The following SLC2A14 variants were observed in gnomAD, a reference collection of about 807,000 sequenced individuals.
The protein encoded by SLC2A14 is solute carrier family 2 member 14, also known as solute carrier family 2, facilitated glucose transporter member 14.
SLC2A14 carries 13 observed loss-of-function variants against 43.0 expected under a neutral mutation model. The observed-to-expected ratio is 0.30, with a 90% CI of 0.20 to 0.48. The LOEUF (loss-of-function observed/expected upper bound fraction) is 0.48, where lower values mean the gene tolerates loss of function less well. Among genes scored for constraint, SLC2A14 ranks in the 20% least tolerant of loss-of-function variants. The probability of loss-of-function intolerance (pLI) is 0.99; values close to 1 mark genes in which losing one functional copy is unlikely to be tolerated. For missense variants in SLC2A14, 428 were observed against 620.4 expected (o/e 0.69, Z 3.29); for synonymous variants, 190 against 233.8 (o/e 0.81, Z 1.71).
Position 7,887,229 on chromosome 12 carries a change from T to C in SLC2A14, c.132+3767A>G, listed in dbSNP as rs779010922. On this transcript the variant is annotated intron_variant, in intron 1 of 9. Transcript: ENST00000539924. ...GCCCGGCCAAATAATGATTTCCTAC[T>C]TTTTGCCTGGTTCTCTCTAGAAGAG... 2.5e-3 allele frequency among the ~76,000 whole-genome samples: 377 copies of C among 152,044 alleles called. 2 individuals are homozygous for C. Among genetic ancestry groups the C allele is most frequent in the African/African-American group, 8.8e-3 (365 of 41,490 alleles).
intron 1 of SLC2A14, among the ~76,000 whole-genome samples, chr12:7,889,785 C>G (rs918543234): frequency 6.6e-6 from 1 of 152,094 alleles, no homozygotes; most frequent in Non-Finnish European, 1.5e-5. Flanking sequence ...ATCCACCCGC[C>G]TTGGCCTCCC....
intron 2 of SLC2A14, among the ~76,000 whole-genome samples, chr12:7,842,552 CCTTAA>C (rs761202679): frequency 8.6e-4 from 131 of 152,146 alleles, no homozygotes; most frequent in African/African-American, 3.0e-3. Context: ...TCTTTGAGTT[CCTTAA>C]CTTTTCTCTA....
In SLC2A14 at chr12:7,870,892, G is replaced by T; in HGVS notation, c.-57-955C>A. ...ACCAAAGCCAAGACCACCAAGAAGCGACCACAGCACAAGGGGCCACATCCA... is the reference window on the plus strand; with the variant it reads ...ACCAAAGCCAAGACCACCAAGAAGCTACCACAGCACAAGGGGCCACATCCA... On this transcript the variant is annotated intron_variant, in intron 1 of 10. Transcript: ENST00000431042. 7 of 1,356,092 alleles carry T rather than the reference G, an allele frequency of 5.2e-6. No homozygotes were observed. In the South Asian group the frequency reaches 6.2e-5, roughly 12 times the overall value. 84.0% of individuals were successfully genotyped at this position (1,356,092 alleles called of 1,614,324 possible).
At chr12:7,883,645 A>AGTGCAGTCTCGGC (rs1945634366) in intron 1 of SLC2A14, among the ~76,000 whole-genome samples, 1 of 110,182 alleles carries the variant, frequency 9.1e-6, no homozygotes, top group Non-Finnish European at 1.7e-5. Context: ...ACCAGGCTGG[A>AGTGCAGTCTCGGC]GTGCAGTCTC....
intron 2 of SLC2A14, 63 bp from the exon 3 acceptor site, chr12:7,832,877 C>A: frequency 6.7e-7 from 1 of 1,497,444 alleles, no homozygotes; most frequent in Non-Finnish European, 9.3e-7. Context: ...ATGACTGTTT[C>A]TTATTAATTA....
chr12:7,873,277 G>A (rs1945340000), upstream of SLC2A14: 6 of 985,644 alleles, frequency 6.1e-6, no homozygotes, highest in Non-Finnish European at 7.2e-6. Flanking sequence ...CCTGCAGCAG[G>A]GAGATAGTGC....
chr12:7,883,496 G>A (rs1424983753), intron 1 of SLC2A14, among the ~76,000 whole-genome samples: 1 of 149,980 alleles, frequency 6.7e-6, no homozygotes, highest in Non-Finnish European at 1.5e-5. Context: ...TTGATCTCCT[G>A]ACCTCATGAT....
intron 2 of SLC2A14, among the ~76,000 whole-genome samples, chr12:7,844,122 C>G (rs1301230053): frequency 6.6e-6 from 1 of 152,126 alleles, no homozygotes; most frequent in Admixed American, 6.5e-5. Context: ...ATTTCTTGCT[C>G]CTCAAAAAGT....
chr12:7,827,097 CTT>C lies in SLC2A14; in HGVS notation c.864+396_864+397del, dbSNP rs749000307. On this transcript the variant is annotated intron_variant, in intron 7 of 10. Coordinates refer to ENST00000431042, the MANE Select transcript of SLC2A14 (RefSeq NM_001286234.2). ...TCTCTTTCTTTCTTTCTTTCTTTCT[CTT>C]TCTTTCTTTCTTTCTTTTTATTTCT... is the stretch of plus-strand genomic sequence containing the variant. Among the ~76,000 whole-genome samples, 53 of 79,938 alleles carry C rather than the reference CTT, an allele frequency of 6.6e-4. 2 individuals carry two copies. Among genetic ancestry groups the C allele is most frequent in the Middle Eastern group, 0.013 (2 of 150 alleles). 52.4% of individuals were successfully genotyped at this position (79,938 alleles called of 152,430 possible).
intron 7 of SLC2A14, among the ~76,000 whole-genome samples, chr12:7,826,900 TC>T: frequency 1.3e-5 from 1 of 79,862 alleles, no homozygotes; most frequent in African/African-American, 6.1e-5. Flanking sequence ...TTTCTTTCTT[TC>T]TTTCTTTCTT....
At chr12:7,827,465 A>G (rs1236566676) in intron 7 of SLC2A14, 30 bp downstream of exon 7, 15 of 1,605,946 alleles carry the variant, frequency 9.3e-6, no homozygotes, top group African/African-American at 1.3e-5. Flanking sequence ...ATATTGTAAG[A>G]CACGTTTGAC....
At chr12:7,848,757 T>C (rs1276287947) in intron 2 of SLC2A14, among the ~76,000 whole-genome samples, 1 of 151,940 alleles carries the variant, frequency 6.6e-6, no homozygotes, top group African/African-American at 2.4e-5. Flanking sequence ...GGTTTCACCA[T>C]GTTGGCCAGG....
At chr12:7,835,338 G>C (rs1439388096) in intron 2 of SLC2A14, among the ~76,000 whole-genome samples, 2 of 152,148 alleles carry the variant, frequency 1.3e-5, no homozygotes, top group Non-Finnish European at 2.9e-5. Context: ...AGTCAGCCGA[G>C]ATTGCGTCAC....
At chr12:7,861,689 G>A (rs534496042) in intron 2 of SLC2A14, among the ~76,000 whole-genome samples, 8 of 152,086 alleles carry the variant, frequency 5.3e-5, no homozygotes, top group African/African-American at 1.4e-4. Context: ...CAGGCCATGC[G>A]CGGAGGCTCA....
chr12:7,839,065 T>C (rs1309076465), intron 2 of SLC2A14, among the ~76,000 whole-genome samples: 2 of 148,946 alleles, frequency 1.3e-5, no homozygotes, highest in Non-Finnish European at 3.0e-5. Flanking sequence ...TCTAGAACTT[T>C]GAGAAAACAA....
chr12:7,872,148 C>G (rs1418975499), intron 1 of SLC2A14: 1 of 152,598 alleles, frequency 6.6e-6, no homozygotes, highest in Non-Finnish European at 1.5e-5. Flanking sequence ...TGTCACACTT[C>G]AGACATAAAT....
rs901541689 is a variant in SLC2A14, at chr12:7,886,138, CA to C, written c.132+4857del. ...AGCTGGGATTACAGGCATGTACCAC[CA>C]CGCCCGGACAGCTTTTTTTTTTTTT... On this transcript the variant is annotated intron_variant, in intron 1 of 9. Coordinates refer to the SLC2A14 transcript ENST00000539924. Among the ~76,000 whole-genome samples, 53 of 136,764 alleles carry C rather than the reference CA, an allele frequency of 3.9e-4. 1 individual carries two copies. The highest frequency in any genetic ancestry group is 1.3e-3 in the African/African-American group (49 of 37,366). 89.7% of individuals were successfully genotyped at this position (136,764 alleles called of 152,430 possible). A position where few individuals can be genotyped will look rare whatever the true frequency, so the allele number is the denominator to read the frequency against.
intron 2 of SLC2A14, among the ~76,000 whole-genome samples, chr12:7,835,408 A>G (rs1865369538): frequency 1.3e-5 from 2 of 152,136 alleles, no homozygotes; most frequent in Admixed American, 1.3e-4. Flanking sequence ...CAAAATTTAC[A>G]CCTAATACTT....
In SLC2A14 at chr12:7,832,871, C is replaced by T. The variant is rs190166465; in HGVS notation, c.19-57G>A. The stretch of plus-strand genomic sequence containing the variant: ...AGTCCTTAAAACTTGTAATTGATGA[C>T]TGTTTCTTATTAATTATGGAGCTGT... On this transcript the variant is annotated intron_variant, in intron 2 of 10. Coordinates refer to ENST00000431042, the MANE Select transcript of SLC2A14 (RefSeq NM_001286234.2). The T allele has an allele frequency of 2.4e-3, 3,674 of 1,521,272 alleles. 8 individuals are homozygous for T. Among genetic ancestry groups the T allele is most frequent in the Admixed American group, 3.5e-3 (208 of 58,730 alleles). 94.2% of individuals were successfully genotyped at this position (1,521,272 alleles called of 1,614,324 possible).
Sources: allele counts gnomAD v4.1 joint callset (sites outside exome capture counted in the v4.1 genomes callset), GRCh38; gene constraint gnomAD v4.1.1; transcripts MANE v1.5; gene names NCBI Gene and HGNC (gene_info 2026-07-23, HGNC 2026-07-21).